LATS1: variants seen among roughly 807,000 people sequenced by gnomAD.
LATS1 encodes serine/threonine-protein kinase LATS1.
A neutral mutation model predicts 106.6 loss-of-function variants in LATS1; 25 were observed. The ratio of observed to expected loss-of-function variants is 0.23; its 90% CI spans 0.17 to 0.33. The LOEUF is 0.33. LATS1 is among the 10% of genes least tolerant of loss of function. The probability of loss-of-function intolerance (pLI) is 1.00; values close to 1 mark genes in which losing one functional copy is unlikely to be tolerated. For missense variants in LATS1, 1,040 were observed against 1,382.6 expected, an observed-to-expected ratio of 0.75 and a Z score of 3.93; for synonymous variants, 465 against 455.6, an observed-to-expected ratio of 1.02 and a Z score of -0.26.
chr6:149,702,182 A>T lies in LATS1; in HGVS notation c.-56T>A. 1 of 1,196,312 alleles carries T rather than the reference A, an allele frequency of 8.4e-7. No homozygotes were observed. Among genetic ancestry groups the T allele is most frequent in the Non-Finnish European group, 1.2e-6 (1 of 843,536 alleles). The allele number at this position is 1,196,312 out of a possible 1,614,324, so 74.1% of individuals were successfully genotyped here. ...GGACTTCTTTATTTGATAGATCCAG[A>T]GCTTTCTTCTGAGCAAAAGTGAAAA... On this transcript the variant is annotated 5_prime_UTR_variant, in exon 2 of 8. Transcript: ENST00000543571.
chr6:149,697,797 G>A (rs571517073), intron 2 of LATS1, among the ~76,000 whole-genome samples: 1 of 152,068 alleles, frequency 6.6e-6, no homozygotes, highest in Non-Finnish European at 1.5e-5. Flanking sequence ...GTGCAGTGGC[G>A]TGATCTCAGC....
rs1582877926 is a variant in LATS1, at chr6:149,684,184, G to A, written c.905C>T (p.Pro302Leu). The A allele has an allele frequency of 1.2e-6, 2 of 1,614,206 alleles. No individual in the cohort carries two copies. Among genetic ancestry groups the A allele is most frequent in the Non-Finnish European group, 1.7e-6 (2 of 1,180,036 alleles). The stretch of plus-strand genomic sequence containing the variant: ...CATGGGGGAAGTGTTGAGAGGTGGT[G>A]GAGGATAGCCCTCTTGCCATGCCCC... The part of the protein sequence containing the change: ...PPGAWQEGYP[P>L]PPLNTSPMNP... The change falls in exon 4 of 8, where the codon CCA becomes CTA. Residue 302 changes from proline (P) to leucine (L), a missense_variant. By Grantham distance (98) the Pro-to-Leu change is moderately conservative. This residue lies in a region of LATS1 where 624 missense variants were observed against 714.8 expected (regional missense o/e 0.87). Coordinates refer to ENST00000543571, the MANE Select transcript of LATS1 (RefSeq NM_004690.4).
intron 7 of LATS1, among the ~76,000 whole-genome samples, chr6:149,667,438 C>CAAAAAAAAAAAA (rs1189854950): frequency 2.9e-5 from 1 of 33,974 alleles, no homozygotes; most frequent in African/African-American, 1.3e-4. Flanking sequence ...GACTGTATCT[C>CAAAAAAAAAAAA]AAAAAAAAAA....
At chr6:149,685,200 T>C (rs534502388) in intron 3 of LATS1, among the ~76,000 whole-genome samples, 1 of 151,970 alleles carries the variant, frequency 6.6e-6, no homozygotes, top group South Asian at 2.1e-4. Context: ...ATCGTGCCAC[T>C]GCACTCCAGC....
chr6:149,707,010 TC>T (rs1044254335), intron 1 of LATS1, among the ~76,000 whole-genome samples: 11 of 125,808 alleles, frequency 8.7e-5, no homozygotes, highest in South Asian at 7.9e-4. Context: ...ACTGGACATC[TC>T]TTTTTTTTTT....
chr6:149,668,061 C>T (rs1026982924), intron 7 of LATS1, among the ~76,000 whole-genome samples: 3 of 152,058 alleles, frequency 2.0e-5, no homozygotes, highest in African/African-American at 4.8e-5. Flanking sequence ...GCTGGGATTA[C>T]AGGTGCACGC....
intron 5 of LATS1, among the ~76,000 whole-genome samples, chr6:149,679,193 A>T (rs1781897610): frequency 1.3e-5 from 2 of 152,160 alleles, no homozygotes; most frequent in Non-Finnish European, 2.9e-5. Context: ...AGGGCTTCTA[A>T]AGTACTGATA....
chr6:149,703,122 T>G (rs901776355), intron 1 of LATS1, among the ~76,000 whole-genome samples: 1 of 149,734 alleles, frequency 6.7e-6, no homozygotes, highest in African/African-American at 2.5e-5. Flanking sequence ...TACAGGTGTC[T>G]GCCACCACGC....
chr6:149,679,199 T>A (rs774887472), intron 5 of LATS1, among the ~76,000 whole-genome samples: 3 of 152,150 alleles, frequency 2.0e-5, no homozygotes, highest in Non-Finnish European at 4.4e-5. Context: ...TCTAAAGTAC[T>A]GATAATCTAG....
Position 149,702,146 on chromosome 6 carries a change from G to A in LATS1, c.-20C>T, listed in dbSNP as rs917972093. 11 of 1,498,656 alleles carry A rather than the reference G, an allele frequency of 7.3e-6. No individual in the cohort carries two copies. The highest frequency in any genetic ancestry group is 1.4e-5 in the African/African-American group (1 of 71,492). The allele number at this position is 1,498,656 out of a possible 1,614,324, so 92.8% of individuals were successfully genotyped here. A position where few individuals can be genotyped will look rare whatever the true frequency, so the allele number is the denominator to read the frequency against. ...CTTCATGAAAACATCTATATATGTA[G>A]CCCACACGAAGGACTTCTTTATTTG... is the stretch of plus-strand genomic sequence containing the variant. On this transcript the variant is annotated 5_prime_UTR_variant, in exon 2 of 8. Transcript: ENST00000543571.
At chr6:149,703,856 C>T (rs1055435699) in intron 1 of LATS1, among the ~76,000 whole-genome samples, 10 of 152,202 alleles carry the variant, frequency 6.6e-5, no homozygotes, top group African/African-American at 2.4e-4. Context: ...AAGGAATATA[C>T]ACACAAGTAT....
Position 149,684,577 on chromosome 6 carries a change from G to A in LATS1, c.512C>T (p.Ser171Leu), listed in dbSNP as rs201232237. The change falls in exon 4 of 8, where the codon TCA (serine) becomes TTA (leucine). Residue 171 changes from serine (S) to leucine (L), a missense_variant. Physicochemically the swap from Ser to Leu is moderately radical, Grantham distance 145 (BLOSUM62 -2). Around this residue, in one of 7 missense-constraint regions of LATS1, gnomAD observed 624 missense variants for 714.8 expected, o/e 0.87. Coordinates refer to ENST00000543571, the MANE Select transcript of LATS1 (RefSeq NM_004690.4). ...TTTCCAGCTCTGTTTGCGGTTAACTGATTGCTGCACATTCCCTATGGTTAT... is the reference window on the plus strand; with the variant it reads ...TTTCCAGCTCTGTTTGCGGTTAACTAATTGCTGCACATTCCCTATGGTTAT... ...ASMKPGNVQQSVNRKQSWKGS... is the reference protein window; with the variant it reads ...ASMKPGNVQQLVNRKQSWKGS... The A allele has an allele frequency of 3.0e-5, 48 of 1,598,112 alleles. No individual in the cohort carries two copies. Among genetic ancestry groups the A allele is most frequent in the Non-Finnish European group, 3.9e-5 (46 of 1,169,220 alleles).
chr6:149,670,749 A>G (rs1781404248), intron 7 of LATS1, among the ~76,000 whole-genome samples: 1 of 152,034 alleles, frequency 6.6e-6, no homozygotes, highest in Non-Finnish European at 1.5e-5. Flanking sequence ...ATTTAAAGAA[A>G]CATGTCAGGT....
At chr6:149,708,782 A>G (rs1225081043) in intron 1 of LATS1, among the ~76,000 whole-genome samples, 1 of 152,214 alleles carries the variant, frequency 6.6e-6, no homozygotes, top group Non-Finnish European at 1.5e-5. Context: ...AGCAAGAGAA[A>G]CATTTCTGTT....
At chr6:149,685,514 T>C (rs1782322683) in intron 3 of LATS1, among the ~76,000 whole-genome samples, 2 of 152,034 alleles carry the variant, frequency 1.3e-5, no homozygotes, top group Non-Finnish European at 2.9e-5. Context: ...GCCTCCTGAG[T>C]AGCTGGGACT....
chr6:149,710,632 C>T (rs769424501), intron 1 of LATS1, among the ~76,000 whole-genome samples: 3 of 152,090 alleles, frequency 2.0e-5, no homozygotes, highest in Non-Finnish European at 2.9e-5. Context: ...AGATTAAGGG[C>T]TGAGAGGAAA....
intron 1 of LATS1, among the ~76,000 whole-genome samples, chr6:149,714,230 C>T (rs1784263956): frequency 1.3e-5 from 2 of 152,128 alleles, no homozygotes; most frequent in Non-Finnish European, 2.9e-5. Context: ...CCTCAGCCTC[C>T]CAAAGTGCTG....
intron 7 of LATS1, among the ~76,000 whole-genome samples, chr6:149,674,108 C>T (rs529057076): frequency 4.0e-5 from 6 of 149,086 alleles, no homozygotes; most frequent in Admixed American, 3.3e-4. Context: ...GAGTTTTGCT[C>T]TTATTGCCCA....
chr6:149,702,534 G>A (rs1049541051), intron 1 of LATS1, among the ~76,000 whole-genome samples: 2 of 151,142 alleles, frequency 1.3e-5, no homozygotes, highest in Admixed American at 1.3e-4. Flanking sequence ...TTATACAAAT[G>A]CCAGGGATTA....
Sources: allele counts gnomAD v4.1 joint callset (sites outside exome capture counted in the v4.1 genomes callset), GRCh38; gene constraint gnomAD v4.1.1; regional missense constraint gnomAD v4.1.1; transcripts MANE v1.5; gene names NCBI Gene and HGNC (gene_info 2026-07-23, HGNC 2026-07-21).